Variants in MTIF3 observed in about 807,000 individuals in gnomAD.
MTIF3 encodes mitochondrial translational initiation factor 3.
A neutral mutation model predicts 20.7 loss-of-function variants in MTIF3; 13 were observed. The ratio of observed to expected loss-of-function variants is 0.63; its 90% CI spans 0.41 to 1.00. MTIF3 has a LOEUF of 1.00. MTIF3 is among the 50% of genes least tolerant of loss of function. The pLI, the probability that MTIF3 is intolerant of heterozygous loss-of-function variation, is 0.00. For synonymous variants in MTIF3, 114 were observed against 112.5 expected (o/e 1.01, Z -0.08); for missense variants, 295 against 324.5 (o/e 0.91, Z 0.70).
At chr13:27,442,195 G>C (rs559023823) in intron 2 of MTIF3, among the ~76,000 whole-genome samples, 1 of 152,118 alleles carries the variant, frequency 6.6e-6, no homozygotes, top group Admixed American at 6.5e-5. Context: ...TCATGTAATT[G>C]CAACACATTC....
intron 2 of MTIF3, among the ~76,000 whole-genome samples, chr13:27,443,493 T>C (rs2138143855): frequency 6.6e-6 from 1 of 152,366 alleles, no homozygotes; most frequent in African/African-American, 2.4e-5. Context: ...ATCAGTGTTG[T>C]TTCTTTCCAA....
At chr13:27,448,499 G>A (rs1041028295) in intron 1 of MTIF3, among the ~76,000 whole-genome samples, 1 of 152,142 alleles carries the variant, frequency 6.6e-6, no homozygotes, top group South Asian at 2.1e-4. Flanking sequence ...CTGCGCTACC[G>A]TTACTGGGCC....
At position 27,444,052 on chromosome 13, in the gene MTIF3, C is replaced by G. The variant is rs183526164; in HGVS notation, c.-2+1036G>C. Among the ~76,000 whole-genome samples, 3 of 152,014 alleles carry G rather than the reference C, an allele frequency of 2.0e-5. No homozygotes were observed. In the East Asian group the frequency reaches 5.8e-4, roughly 29 times the overall value. On this transcript the variant is annotated intron_variant, in intron 2 of 4. Coordinates refer to ENST00000381120, the MANE Select transcript of MTIF3 (RefSeq NM_152912.5). ...GGTGCAGTGGCTCACGCCTGTAACC[C>G]CAGCACTTTGGGAGGCTGAGGTGGG... is the stretch of plus-strand genomic sequence containing the variant.
rs989418274 is a variant in MTIF3, at chr13:27,438,490, T to G, written c.461-1217A>C. On this transcript the variant is annotated intron_variant, in intron 3 of 4. Coordinates refer to ENST00000381120, the MANE Select transcript of MTIF3 (RefSeq NM_152912.5). ...GGGCAACAGAGCAAGACTGTTTTTTTTTTTTTTTTTTTTTTTTTTAAACAC... is the reference window on the plus strand; with the variant it reads ...GGGCAACAGAGCAAGACTGTTTTTTGTTTTTTTTTTTTTTTTTTTAAACAC... Among the ~76,000 whole-genome samples, 42 of 46,590 alleles carry G rather than the reference T, an allele frequency of 9.0e-4. 1 individual carries two copies. Among genetic ancestry groups the G allele is most frequent in the Non-Finnish European group, 1.8e-3 (28 of 15,196 alleles). The allele number at this position is 46,590 out of a possible 152,430, so 30.6% of individuals were successfully genotyped here. A position where few individuals can be genotyped will look rare whatever the true frequency, so the allele number is the denominator to read the frequency against.
chr13:27,444,073 G>C (rs1304063613), intron 2 of MTIF3, among the ~76,000 whole-genome samples: 1 of 152,162 alleles, frequency 6.6e-6, no homozygotes, highest in Non-Finnish European at 1.5e-5. Context: ...GGAGGCTGAG[G>C]TGGGCGGATC....
chr13:27,441,821 A>G (rs1028341031), intron 2 of MTIF3, among the ~76,000 whole-genome samples: 1 of 152,306 alleles, frequency 6.6e-6, no homozygotes, highest in South Asian at 2.1e-4. Context: ...TGGTCCCAGA[A>G]TCTCCTGGGG....
At chr13:27,445,571 G>C (rs531563103) in intron 1 of MTIF3, among the ~76,000 whole-genome samples, 2 of 152,244 alleles carry the variant, frequency 1.3e-5, no homozygotes, top group Admixed American at 6.5e-5. Context: ...GTCACAAACA[G>C]ATTACTTTCA....
Position 27,435,825 on chromosome 13 carries a change from A to G in MTIF3, c.687T>C (p.Ala229=), listed in dbSNP as rs749714164. The change falls in exon 5 of 5, where the codon GCT becomes GCC. Residue 229 remains alanine (A), a synonymous_variant. Transcript: ENST00000381120. The stretch of plus-strand genomic sequence containing the variant: ...ACATTAAAGCTTTTCCTCCTTGAAC[A>G]GCTTGTGGCCTAGATGAGAATGTAG... ...GIATFSSRPQ[A]VQGGKALMCV... 1.2e-6 allele frequency: 2 copies of G among 1,614,134 alleles called. No individual in the cohort carries two copies. The highest frequency in any genetic ancestry group is 1.1e-5 in the South Asian group (1 of 91,080).
chr13:27,437,943 A>G (rs888979529), intron 3 of MTIF3, among the ~76,000 whole-genome samples: 2 of 150,768 alleles, frequency 1.3e-5, no homozygotes, highest in Non-Finnish European at 3.0e-5. Flanking sequence ...GGCAAAATGA[A>G]AAATCTAACT....
chr13:27,435,864 A>G lies in MTIF3; in HGVS notation c.648T>C (p.Thr216=). The G allele has an allele frequency of 6.2e-7, 1 of 1,612,860 alleles. No homozygotes were observed. Among genetic ancestry groups the G allele is most frequent in the Non-Finnish European group, 8.5e-7 (1 of 1,179,222 alleles). Residue 216 remains threonine, a synonymous_variant, in exon 5 of 5, where the codon ACT becomes ACC. Transcript: ENST00000381120. ...ATGAGAATGTAGCTATTCCAGGCAT[A>G]GTCTGGAGTATTTGATGAAATATCT... The part of the protein sequence containing the change: ...MEEIFHQILQ[T]MPGIATFSSR...
In MTIF3 at chr13:27,439,951, T is replaced by C. The variant is rs1953935399; in HGVS notation, c.460+38A>G. ...AGAATTTAAACTGCTGATTTGTAGC[T>C]CTTAAAGGATTCAGGGAGCCAACAG... On this transcript the variant is annotated intron_variant, in intron 3 of 4. Transcript: ENST00000381120. 6 of 1,569,626 alleles carry C rather than the reference T, an allele frequency of 3.8e-6. No homozygotes were observed. In the East Asian group the frequency reaches 1.1e-4, roughly 29 times the overall value.
At chr13:27,439,208 C>A (rs1953901045) in intron 3 of MTIF3, among the ~76,000 whole-genome samples, 1 of 152,156 alleles carries the variant, frequency 6.6e-6, no homozygotes, top group Non-Finnish European at 1.5e-5. Flanking sequence ...CGAAAAGGTG[C>A]TTCCAGGCTA....
chr13:27,443,391 A>G (rs1954065164), intron 2 of MTIF3, among the ~76,000 whole-genome samples: 2 of 152,242 alleles, frequency 1.3e-5, no homozygotes, highest in Admixed American at 1.3e-4. Flanking sequence ...GAAAACTAGC[A>G]GCAGCATCCA....
chr13:27,441,454 C>T (rs1954000967), intron 2 of MTIF3, among the ~76,000 whole-genome samples: 1 of 152,196 alleles, frequency 6.6e-6, no homozygotes, highest in African/African-American at 2.4e-5. Flanking sequence ...AACACTGTGA[C>T]ATAAATCAAA....
intron 1 of MTIF3, among the ~76,000 whole-genome samples, chr13:27,446,079 C>CA (rs1954173924): frequency 6.6e-6 from 1 of 151,224 alleles, no homozygotes; most frequent in Non-Finnish European, 1.5e-5. Flanking sequence ...TTTTTTGAGA[C>CA]AGGTTCTCAC....
rs922207571 is a variant in MTIF3 at position 27,450,527 on chromosome 13, T to A, written c.-89A>T. 1.3e-5 allele frequency: 2 copies of A among 152,308 alleles called. No homozygotes were observed. Among genetic ancestry groups the A allele is most frequent in the Non-Finnish European group, 2.9e-5 (2 of 68,078 alleles). The allele number at this position is 152,308 out of a possible 1,614,324, so 9.4% of individuals were successfully genotyped here. A position where few individuals can be genotyped will look rare whatever the true frequency, so the allele number is the denominator to read the frequency against. ...GCATTACCTGTGCTGGGGCAAGCGA[T>A]TGACATACTGTAGCGGACGCAAGTA... On this transcript the variant is annotated 5_prime_UTR_variant, in exon 1 of 5. Coordinates refer to ENST00000381120, the MANE Select transcript of MTIF3 (RefSeq NM_152912.5).
chr13:27,436,958 A>G (rs1593185401), intron 4 of MTIF3, among the ~76,000 whole-genome samples, 158 bp downstream of exon 4: 1 of 151,802 alleles, frequency 6.6e-6, no homozygotes, highest in African/African-American at 2.4e-5. Flanking sequence ...TCACCATGTT[A>G]GCCAGGTTGG....
chr13:27,446,338 G>A (rs947078173), intron 1 of MTIF3, among the ~76,000 whole-genome samples: 7 of 152,186 alleles, frequency 4.6e-5, no homozygotes, highest in South Asian at 2.1e-4. Flanking sequence ...GATTACGGGC[G>A]TGAGCCACGG....
chr13:27,435,733 C>G lies in MTIF3; in HGVS notation c.779G>C (p.Arg260Thr). 1 of 1,614,064 alleles carries G rather than the reference C, an allele frequency of 6.2e-7. No individual in the cohort carries two copies. The highest frequency in any genetic ancestry group is 8.5e-7 in the Non-Finnish European group (1 of 1,179,960). The change falls in exon 5 of 5, where the codon AGA (arginine) becomes ACA (threonine). Residue 260 changes from arginine to threonine, a missense_variant. Transcript: ENST00000381120. ...TCCATGGTCTTTGTTCAAAGTGTCT[C>G]TTTCCTGGGTCTCTTGAGTTTCTTT... Reference protein sequence around the residue: ...AYKETQETQERDTLNKDHGND... With the variant: ...AYKETQETQETDTLNKDHGND...
Sources: allele counts gnomAD v4.1 joint callset (sites outside exome capture counted in the v4.1 genomes callset), GRCh38; gene constraint gnomAD v4.1.1; transcripts MANE v1.5; gene names NCBI Gene and HGNC (gene_info 2026-07-23, HGNC 2026-07-21).